SPSB1: variants seen among roughly 807,000 people sequenced by gnomAD.
SPSB1 encodes the protein splA/ryanodine receptor domain and SOCS box containing 1, also known as SPRY domain-containing SOCS box protein 1.
Under a neutral mutation model 21.2 loss-of-function variants are expected in SPSB1, and 8 were observed. The ratio of observed to expected loss-of-function variants is 0.38; its 90% CI spans 0.22 to 0.68. The LOEUF (loss-of-function observed/expected upper bound fraction) is 0.68, where lower values mean the gene tolerates loss of function less well. Ranked by LOEUF, SPSB1 falls within the 30% of genes least tolerant of loss-of-function variation. SPSB1 has a pLI of 0.53. For missense variants in SPSB1, 242 were observed against 377.8 expected (o/e 0.64, Z 2.98); for synonymous variants, 169 against 161.7 (o/e 1.05, Z -0.34).
chr1:9,310,378 A>T (rs946990437), intron 1 of SPSB1, among the ~76,000 whole-genome samples: 3 of 152,158 alleles, frequency 2.0e-5, no homozygotes, highest in Admixed American at 6.5e-5. Flanking sequence ...TTTCTAAGGG[A>T]TGAGCTCCTG....
chr1:9,348,278 G>A lies in SPSB1; in HGVS notation c.-149-7465G>A, dbSNP rs1028818907. Among the ~76,000 whole-genome samples, 11 of 151,868 alleles carry A rather than the reference G, an allele frequency of 7.2e-5. No individual in the cohort carries two copies. Among genetic ancestry groups the A allele is most frequent in the South Asian group, 4.2e-4 (2 of 4,786 alleles). On this transcript the variant is annotated intron_variant, in intron 1 of 2. Coordinates refer to ENST00000328089, the MANE Select transcript of SPSB1 (RefSeq NM_025106.4). The surrounding 1 kb of genome is among the most constrained non-coding windows in gnomAD (Gnocchi z 4.8). Reference sequence around the variant, plus strand: ...CCTGGGCATCCCACAGCACTGTCTCGCTCCTGTCTCGGCGGTAGTGCTGTG... The same window carrying A: ...CCTGGGCATCCCACAGCACTGTCTCACTCCTGTCTCGGCGGTAGTGCTGTG...
chr1:9,364,756 T>C (rs56068827), intron 2 of SPSB1, among the ~76,000 whole-genome samples: 11,918 of 152,286 alleles, frequency 0.078, 522 homozygotes, highest in Non-Finnish European at 0.089. Context: ...TGACCGTCCA[T>C]GGGGGATGAA....
intron 1 of SPSB1, among the ~76,000 whole-genome samples, chr1:9,314,842 G>A (rs1557449068): frequency 6.6e-6 from 1 of 152,192 alleles, no homozygotes; most frequent in African/African-American, 2.4e-5. Flanking sequence ...TCAGGAAGGA[G>A]GCACAAATGA....
chr1:9,314,175 C>CAAAA (rs58276325), intron 1 of SPSB1, among the ~76,000 whole-genome samples: 29 of 138,786 alleles, frequency 2.1e-4, no homozygotes, highest in Admixed American at 5.7e-4. Flanking sequence ...GACTCTATCT[C>CAAAA]AAAAAAAAAA....
chr1:9,318,823 C>T (rs549790235), intron 1 of SPSB1, among the ~76,000 whole-genome samples: 4 of 152,136 alleles, frequency 2.6e-5, no homozygotes, highest in Non-Finnish European at 5.9e-5. Flanking sequence ...GGGGGACAGT[C>T]ACATGAGCTG....
chr1:9,362,951 C>T (rs1640504388), intron 2 of SPSB1, among the ~76,000 whole-genome samples: 1 of 152,234 alleles, frequency 6.6e-6, no homozygotes. Context: ...GGCCCCAGGC[C>T]ACAGTGCAGG....
In SPSB1 at chr1:9,368,844, G is replaced by A. The variant is rs1363703607; in HGVS notation, c.*1269G>A. The A allele has an allele frequency of 6.6e-6, 1 of 152,366 alleles. No homozygotes were observed. The highest frequency in any genetic ancestry group is 1.5e-5 in the Non-Finnish European group (1 of 68,016). 9.4% of individuals were successfully genotyped at this position (152,366 alleles called of 1,614,324 possible). On this transcript the variant is annotated 3_prime_UTR_variant, in exon 3 of 3. Transcript: ENST00000328089. ...CCAGTTCATCCCAACCCCTCTCAGA[G>A]CCTCAAGAGGGGTAGCTCGGCTGCC...
chr1:9,354,305 GCAGCCAAGGCTCCAA>G (rs1640325186), intron 1 of SPSB1, among the ~76,000 whole-genome samples: 1 of 152,124 alleles, frequency 6.6e-6, no homozygotes, highest in Non-Finnish European at 1.5e-5. Context: ...CTCTCTCCCG[GCAGCCAAGGCTCCAA>G]CAGCCTCCCG....
rs114156651 is a variant in SPSB1 at position 9,307,312 on chromosome 1, C to T, written c.-150+14241C>T. Among the ~76,000 whole-genome samples, 329 of 152,330 alleles carry T rather than the reference C, an allele frequency of 2.2e-3. 5 individuals carry two copies. The highest frequency in any genetic ancestry group is 7.6e-3 in the African/African-American group (314 of 41,576). On this transcript the variant is annotated intron_variant, in intron 1 of 2. Coordinates refer to ENST00000328089, the MANE Select transcript of SPSB1 (RefSeq NM_025106.4). ...AGATCAGTGGCATTTGGTATATTCA[C>T]AATGTCGTGCAACTATCCCCTCTGT...
At chr1:9,361,705 G>A (rs1640483375) in intron 2 of SPSB1, among the ~76,000 whole-genome samples, 1 of 152,232 alleles carries the variant, frequency 6.6e-6, no homozygotes, top group Admixed American at 6.5e-5. Context: ...GAGGCACAAG[G>A]CCTTGTGCTG....
At chr1:9,362,185 C>T (rs942218602) in intron 2 of SPSB1, among the ~76,000 whole-genome samples, 1 of 151,386 alleles carries the variant, frequency 6.6e-6, no homozygotes, top group African/African-American at 2.4e-5. Context: ...ACCCACCCTC[C>T]CTCCCTCCCT....
intron 1 of SPSB1, among the ~76,000 whole-genome samples, chr1:9,325,171 A>G (rs1639794943): frequency 1.3e-5 from 2 of 151,032 alleles, no homozygotes; most frequent in South Asian, 4.2e-4. Flanking sequence ...GGCGCTGGGC[A>G]TCCAAGAAGA....
chr1:9,325,199 G>A (rs980976903), intron 1 of SPSB1, among the ~76,000 whole-genome samples: 2 of 148,442 alleles, frequency 1.3e-5, no homozygotes, highest in Admixed American at 6.9e-5. Context: ...TCCGCCCTCC[G>A]GCCTGAGCCA....
intron 1 of SPSB1, among the ~76,000 whole-genome samples, chr1:9,314,175 C>CAAA (rs58276325): frequency 7.9e-4 from 109 of 138,746 alleles, no homozygotes; most frequent in African/African-American, 2.0e-3. Flanking sequence ...GACTCTATCT[C>CAAA]AAAAAAAAAA....
chr1:9,341,718 T>C (rs1281072465), intron 1 of SPSB1, among the ~76,000 whole-genome samples: 1 of 152,178 alleles, frequency 6.6e-6, no homozygotes, highest in Admixed American at 6.5e-5. Context: ...GTTTGTTTTT[T>C]TGAGACGGGG....
In SPSB1 at chr1:9,321,817, C is replaced by T. The variant is rs1429161935; in HGVS notation, c.-150+28746C>T. On this transcript the variant is annotated intron_variant, in intron 1 of 2. Coordinates refer to ENST00000328089, the MANE Select transcript of SPSB1 (RefSeq NM_025106.4). The surrounding 1 kb of genome is among the most constrained non-coding windows in gnomAD (Gnocchi z 4.8). ...CTGGCCAGGGGCACCGCAGAGACCACGGGAGAGGCTCTTCAGTGGCAGAAG... is the reference window on the plus strand; with the variant it reads ...CTGGCCAGGGGCACCGCAGAGACCATGGGAGAGGCTCTTCAGTGGCAGAAG... 1.3e-5 allele frequency among the ~76,000 whole-genome samples: 2 copies of T among 152,076 alleles called. No individual in the cohort carries two copies. Among genetic ancestry groups the T allele is most frequent in the South Asian group, 2.1e-4 (1 of 4,830 alleles).
intron 1 of SPSB1, among the ~76,000 whole-genome samples, chr1:9,307,208 A>G (rs560174661): frequency 4.1e-4 from 62 of 152,274 alleles, no homozygotes; most frequent in Non-Finnish European, 7.4e-4. Context: ...GATTACAGGC[A>G]TGAGCCACTG....
At chr1:9,352,316 C>G (rs540071205) in intron 1 of SPSB1, among the ~76,000 whole-genome samples, 1 of 152,164 alleles carries the variant, frequency 6.6e-6, no homozygotes, top group Non-Finnish European at 1.5e-5. Context: ...CTCTGGGGAT[C>G]CCCCGCTCCC....
Position 9,367,375 on chromosome 1 carries a change from G to A in SPSB1, c.695-73G>A. 6.2e-7 allele frequency: 1 copy of A among 1,604,082 alleles called. No individual in the cohort carries two copies. The highest frequency in any genetic ancestry group is 8.5e-7 in the Non-Finnish European group (1 of 1,174,850). The stretch of plus-strand genomic sequence containing the variant: ...GTGAATACTAATCAGTGATAATATT[G>A]CTGCTGTGGTTAGCGCTGTTTGCTG... On this transcript the variant is annotated intron_variant, in intron 2 of 2. Transcript: ENST00000328089. This position sits in a 1 kb window ranked among gnomAD's most constrained non-coding sequence, Gnocchi z 5.9.
Sources: allele counts gnomAD v4.1 joint callset (sites outside exome capture counted in the v4.1 genomes callset), GRCh38; gene constraint gnomAD v4.1.1; non-coding constraint Gnocchi (gnomAD v3.1); transcripts MANE v1.5; gene names NCBI Gene and HGNC (gene_info 2026-07-23, HGNC 2026-07-21).